Variants in GDF6 observed in about 807,000 individuals in gnomAD.
GDF6 encodes growth/differentiation factor 6.
GDF6 carries 3 observed loss-of-function variants against 32.4 expected under a neutral mutation model. The observed-to-expected ratio is 0.09, with a 90% CI of 0.04 to 0.24. The LOEUF (loss-of-function observed/expected upper bound fraction) is 0.24, where lower values mean the gene tolerates loss of function less well. Ranked by LOEUF, GDF6 falls within the 10% of genes least tolerant of loss-of-function variation. The pLI, the probability that GDF6 is intolerant of heterozygous loss-of-function variation, is 1.00. For missense variants in GDF6, 589 were observed against 637.9 expected (o/e 0.92, Z 0.83); for synonymous variants, 296 against 295.3 (o/e 1.00, Z -0.03).
intron 1 of GDF6, among the ~76,000 whole-genome samples, chr8:96,159,673 C>T (rs1019241801): frequency 1.3e-5 from 2 of 152,242 alleles, no homozygotes; most frequent in Non-Finnish European, 2.9e-5. Context: ...GGGAGCACCA[C>T]GCTGGAGCAA....
intron 1 of GDF6, among the ~76,000 whole-genome samples, chr8:96,158,687 A>C (rs991550809): frequency 1.3e-5 from 2 of 152,204 alleles, no homozygotes; most frequent in Non-Finnish European, 2.9e-5. Flanking sequence ...CACGATTAAC[A>C]GAGGACTTTG....
Position 96,144,503 on chromosome 8 carries a change from C to A in GDF6, c.*60G>T. 2 of 1,589,610 alleles carry A rather than the reference C, an allele frequency of 1.3e-6. No individual in the cohort carries two copies. Among genetic ancestry groups the A allele is most frequent in the South Asian group, 1.1e-5 (1 of 87,810 alleles). ...CTCCGCCTCTCTGCAGCCAGGCCTC[C>A]CCTGCAAGGCGGACCTTGGCCCACC... On this transcript the variant is annotated 3_prime_UTR_variant, in exon 2 of 2. Transcript: ENST00000287020. The surrounding 1 kb of genome is among the most constrained non-coding windows in gnomAD (Gnocchi z 5.1).
intron 1 of GDF6, among the ~76,000 whole-genome samples, chr8:96,150,536 AC>A (rs1373245059): frequency 3.3e-5 from 5 of 152,226 alleles, no homozygotes; most frequent in Non-Finnish European, 5.9e-5. Flanking sequence ...CTGAATTTTC[AC>A]AGCGAACGTC....
In GDF6 at chr8:96,145,167, G is replaced by A. The variant is rs762654952; in HGVS notation, c.764C>T (p.Pro255Leu). 43 of 1,499,082 alleles carry A rather than the reference G, an allele frequency of 2.9e-5. No homozygotes were observed. The highest frequency in any genetic ancestry group is 3.2e-5 in the Non-Finnish European group (36 of 1,132,054). The allele number at this position is 1,499,082 out of a possible 1,614,324, so 92.9% of individuals were successfully genotyped here. The change falls in exon 2 of 2, where the codon CCG becomes CTG. Residue 255 changes from proline to leucine, a missense_variant. Pro to Leu is a moderately conservative substitution (Grantham distance 98). Transcript: ENST00000287020. This position sits in a 1 kb window ranked among gnomAD's most constrained non-coding sequence, Gnocchi z 5.6. ...AEARARGPQQ[P>L]PPPDLRSLGF... ...CAGACTCCGCAGGTCCGGGGGCGGC[G>A]GTTGCTGGGGTCCCCGCGCGCGCGC...
intron 1 of GDF6, among the ~76,000 whole-genome samples, chr8:96,158,714 G>A (rs950279965): frequency 6.6e-6 from 1 of 152,236 alleles, no homozygotes. Context: ...AGAAACAACT[G>A]TAGCAAGGCG....
In GDF6 at chr8:96,160,448, G is replaced by A. The variant is rs988646683; in HGVS notation, c.245C>T (p.Ala82Val). The change falls in exon 1 of 2, where the codon GCG (alanine) becomes GTG (valine). Residue 82 changes from alanine (A) to valine (V), a missense_variant. Physicochemically the swap from Ala to Val is moderately conservative, Grantham distance 64 (BLOSUM62 0). Coordinates refer to ENST00000287020, the MANE Select transcript of GDF6 (RefSeq NM_001001557.4). ...CGGACCCCTGCCTGGCGGCTCCTGC[G>A]CCCGGGGCTGCTGAGCCCGGGGTTC... The part of the protein sequence containing the change: ...QDEPRAQQPR[A>V]QEPPGRGPRV... The A allele has an allele frequency of 2.5e-5, 41 of 1,613,614 alleles. No individual in the cohort carries two copies. In the East Asian group the frequency reaches 8.7e-4, roughly 34 times the overall value.
At position 96,145,862 on chromosome 8, in the gene GDF6, G is replaced by T. The variant is rs1812477320; in HGVS notation, c.407-338C>A. 6.6e-6 allele frequency among the ~76,000 whole-genome samples: 1 copy of T among 152,184 alleles called. No homozygotes were observed. The highest frequency in any genetic ancestry group is 1.5e-5 in the Non-Finnish European group (1 of 68,022). ...GTGCCCTTTGTGGTCTCAAGCCTGG[G>T]CCGCGTTTCCCCTAGACCTCCTCTG... On this transcript the variant is annotated intron_variant, in intron 1 of 1. Coordinates refer to ENST00000287020, the MANE Select transcript of GDF6 (RefSeq NM_001001557.4). This position sits in a 1 kb window ranked among gnomAD's most constrained non-coding sequence, Gnocchi z 5.6.
chr8:96,144,242 A>AAAAGAGAG lies in GDF6; in HGVS notation c.*320_*321insCTCTCTTT, dbSNP rs886063199. 2 of 189,908 alleles carry AAAAGAGAG rather than the reference A, an allele frequency of 1.1e-5. No homozygotes were observed. Among genetic ancestry groups the AAAAGAGAG allele is most frequent in the Admixed American group, 1.0e-4 (1 of 9,542 alleles). 11.8% of individuals were successfully genotyped at this position (189,908 alleles called of 1,614,324 possible). On this transcript the variant is annotated 3_prime_UTR_variant, in exon 2 of 2. Coordinates refer to ENST00000287020, the MANE Select transcript of GDF6 (RefSeq NM_001001557.4). This position sits in a 1 kb window ranked among gnomAD's most constrained non-coding sequence, Gnocchi z 5.1. Reference sequence around the variant, plus strand: ...ACATAAGGAAATCCAAAGCCACAGTAATAGAGAGAGAGAGAGAGAGAGAGA... The same window carrying AAAAGAGAG: ...ACATAAGGAAATCCAAAGCCACAGTAAAAGAGAGATAGAGAGAGAGAGAGAGAGAGAGA...
chr8:96,147,452 C>T (rs182644229), intron 1 of GDF6, among the ~76,000 whole-genome samples: 1 of 152,228 alleles, frequency 6.6e-6, no homozygotes, highest in African/African-American at 2.4e-5. Context: ...CTTCCTGCCT[C>T]TCTCCCCAAA....
chr8:96,155,873 A>G (rs1812652520), intron 1 of GDF6, among the ~76,000 whole-genome samples: 1 of 152,138 alleles, frequency 6.6e-6, no homozygotes. Flanking sequence ...TGCTGAGTTG[A>G]TTACACCACT....
At chr8:96,157,308 A>G (rs1812684462) in intron 1 of GDF6, among the ~76,000 whole-genome samples, 1 of 152,108 alleles carries the variant, frequency 6.6e-6, no homozygotes, top group Non-Finnish European at 1.5e-5. Flanking sequence ...TTATAAACCT[A>G]AAGCGTCCTT....
At chr8:96,151,222 C>T (rs1317822120) in intron 1 of GDF6, among the ~76,000 whole-genome samples, 2 of 152,238 alleles carry the variant, frequency 1.3e-5, no homozygotes, top group Non-Finnish European at 2.9e-5. Context: ...ATACAATTCA[C>T]CCTTTCCAGG....
intron 1 of GDF6, among the ~76,000 whole-genome samples, chr8:96,157,508 TCCAC>T (rs1812688758): frequency 2.6e-5 from 4 of 152,094 alleles, no homozygotes; most frequent in Admixed American, 2.6e-4. Flanking sequence ...GACCCCCGGC[TCCAC>T]CGAGCCAGGC....
At chr8:96,156,713 T>C (rs1812671660) in intron 1 of GDF6, among the ~76,000 whole-genome samples, 1 of 152,250 alleles carries the variant, frequency 6.6e-6, no homozygotes, top group Non-Finnish European at 1.5e-5. Context: ...AGGGATAATA[T>C]GGTTTGTGCA....
At chr8:96,152,084 G>A (rs1812578120) in intron 1 of GDF6, among the ~76,000 whole-genome samples, 1 of 152,196 alleles carries the variant, frequency 6.6e-6, no homozygotes, top group African/African-American at 2.4e-5. Context: ...AGTCCTTGTG[G>A]TCCACTTCTC....
At chr8:96,154,165 C>T (rs1216649119) in intron 1 of GDF6, among the ~76,000 whole-genome samples, 1 of 152,188 alleles carries the variant, frequency 6.6e-6, no homozygotes, top group Non-Finnish European at 1.5e-5. Flanking sequence ...TGTCCTTCTC[C>T]CCAAGCTAAA....
rs1330994490 is a variant in GDF6 at position 96,160,445 on chromosome 8, T to A, written c.248A>T (p.Gln83Leu). 6.2e-7 allele frequency: 1 copy of A among 1,613,750 alleles called. No individual in the cohort carries two copies. Among genetic ancestry groups the A allele is most frequent in the Non-Finnish European group, 8.5e-7 (1 of 1,179,814 alleles). ...GCGCGGACCCCTGCCTGGCGGCTCC[T>A]GCGCCCGGGGCTGCTGAGCCCGGGG... ...DEPRAQQPRA[Q>L]EPPGRGPRVV... The change falls in exon 1 of 2, where the codon CAG becomes CTG. Residue 83 changes from glutamine to leucine, a missense_variant. Gln to Leu is a moderately radical substitution (Grantham distance 113). Around this residue, in one of 2 missense-constraint regions of GDF6, gnomAD observed 436 missense variants for 411.2 expected, o/e 1.06. Transcript: ENST00000287020.
Position 96,143,852 on chromosome 8 carries a change from C to A in GDF6, c.*711G>T, listed in dbSNP as rs73698505. ...AGATGAAGGTTGCCAGTTCCTGGTA[C>A]CGAAAGAGGCCAGGGCAGAGCTGGT... On this transcript the variant is annotated 3_prime_UTR_variant, in exon 2 of 2. Transcript: ENST00000287020. 7,814 of 152,912 alleles carry A rather than the reference C, an allele frequency of 0.051. 677 individuals are homozygous for A. Among genetic ancestry groups the A allele is most frequent in the African/African-American group, 0.18 (7,305 of 41,520 alleles). 9.5% of individuals were successfully genotyped at this position (152,912 alleles called of 1,614,324 possible). A position where few individuals can be genotyped will look rare whatever the true frequency, so the allele number is the denominator to read the frequency against.
rs550918143 is a variant in GDF6, at chr8:96,151,477, C to A, written c.407-5953G>T. On this transcript the variant is annotated intron_variant, in intron 1 of 1. Coordinates refer to ENST00000287020, the MANE Select transcript of GDF6 (RefSeq NM_001001557.4). The stretch of plus-strand genomic sequence containing the variant: ...AATCTGGCTCCAGTATCTGTGCCAC[C>A]ACCCTAGACATCCCAGCCCTGATCT... Among the ~76,000 whole-genome samples the A allele has an allele frequency of 3.9e-5, 6 of 152,176 alleles. No individual in the cohort carries two copies. The South Asian group carries it at 1.2e-3, about 32-fold the overall frequency.
Sources: gnomAD v4.1 joint callset for allele counts (sites outside exome capture counted in the v4.1 genomes callset) on GRCh38, gnomAD v4.1.1 for gene constraint, gnomAD v4.1.1 regional missense constraint, Gnocchi (gnomAD v3.1) non-coding constraint, MANE v1.5 for transcripts, NCBI Gene and HGNC (gene_info 2026-07-23, HGNC 2026-07-21) for gene names.